DCHS2: variants seen among roughly 807,000 people sequenced by gnomAD.
DCHS2 encodes the protein dachsous cadherin-related 2.
DCHS2 carries 142 observed loss-of-function variants against 182.4 expected under a neutral mutation model. The ratio of observed to expected loss-of-function variants is 0.78; its 90% confidence interval spans 0.68 to 0.89. The LOEUF (loss-of-function observed/expected upper bound fraction) is 0.89. DCHS2 is among the 40% of genes least tolerant of loss of function. The pLI, the probability that DCHS2 is intolerant of heterozygous loss-of-function variation, is 0.00. For missense variants in DCHS2, 4,319 were observed against 4,198.6 expected, an observed-to-expected ratio of 1.03 and a Z score of -0.79; for synonymous variants, 1,740 against 1,663.3, an observed-to-expected ratio of 1.05 and a Z score of -1.12.
chr4:154,441,554 GT>G (rs1287352382), intron 1 of DCHS2, among the ~76,000 whole-genome samples: 2 of 127,076 alleles, frequency 1.6e-5, no homozygotes, highest in African/African-American at 5.5e-5. Flanking sequence ...ATAAATAAAA[GT>G]TTTTCAGAAA....
chr4:154,270,163 C>A (rs959340743), intron 13 of DCHS2, 150 bp from the exon 14 acceptor site: 2 of 1,021,308 alleles, frequency 2.0e-6, no homozygotes, highest in Non-Finnish European at 1.4e-6. Flanking sequence ...TGAGCCAGAT[C>A]CCATGCTAGG....
chr4:154,288,876 A>G (rs1734527709), intron 13 of DCHS2, among the ~76,000 whole-genome samples: 1 of 152,130 alleles, frequency 6.6e-6, no homozygotes, highest in Non-Finnish European at 1.5e-5. Context: ...TCTTGAAACA[A>G]ACGATAATGG....
intron 1 of DCHS2, among the ~76,000 whole-genome samples, chr4:154,427,061 G>T (rs1733360327): frequency 6.6e-6 from 1 of 152,166 alleles, no homozygotes; most frequent in Non-Finnish European, 1.5e-5. Flanking sequence ...TGTTTGAGGT[G>T]ATGGATAGGC....
At chr4:154,269,433 G>T (rs1406697143) in intron 14 of DCHS2, 1 of 156,670 alleles carries the variant, frequency 6.4e-6, no homozygotes, top group African/African-American at 2.4e-5. Context: ...TACATGCTGT[G>T]TTTGGAAGTA....
intron 1 of DCHS2, among the ~76,000 whole-genome samples, chr4:154,434,999 A>G (rs1733715520): frequency 1.3e-5 from 2 of 152,152 alleles, no homozygotes; most frequent in Non-Finnish European, 2.9e-5. Context: ...GGGATCTCGC[A>G]ATGGAGAAAG....
At chr4:154,278,109 T>C (rs1733949254) in intron 13 of DCHS2, among the ~76,000 whole-genome samples, 1 of 149,160 alleles carries the variant, frequency 6.7e-6, no homozygotes, top group Non-Finnish European at 1.5e-5. Context: ...ACACAGACAA[T>C]CAAATGAAAT....
chr4:154,487,279 A>G (rs1728621559), intron 1 of DCHS2, among the ~76,000 whole-genome samples: 1 of 152,180 alleles, frequency 6.6e-6, no homozygotes, highest in African/African-American at 2.4e-5. Flanking sequence ...GGGCTCCTCT[A>G]CATTTCTCAG....
rs1731258505 is a variant in DCHS2 at position 154,232,889 on chromosome 4, A to G, written c.*1647T>C. On this transcript the variant is annotated 3_prime_UTR_variant, in exon 20 of 20. Coordinates refer to ENST00000357232, the MANE Select transcript of DCHS2 (RefSeq NM_001358235.2). ...TTCAAAAACCTTCATGTTTCATACA[A>G]TTTGTAATATAGCTTTATACATTTG... 6.6e-6 allele frequency: 1 copy of G among 152,156 alleles called. No individual in the cohort carries two copies. The highest frequency in any genetic ancestry group is 2.1e-4 in the South Asian group (1 of 4,830). 9.4% of individuals were successfully genotyped at this position (152,156 alleles called of 1,614,324 possible).
At position 154,366,288 on chromosome 4, in the gene DCHS2, A is replaced by C; in HGVS notation, c.2398T>G (p.Ser800Ala). 6.2e-7 allele frequency: 1 copy of C among 1,613,806 alleles called. No homozygotes were observed. The highest frequency in any genetic ancestry group is 1.1e-5 in the South Asian group (1 of 91,034). ...IINVLATDQD[S>A]GIYGTVAYEL... ...TAAGCCACTGTCCCATATATCCCAG[A>C]GTCCTGGTCAGTGGCAAGAACATTG... The change falls in exon 3 of 20, where the codon TCT (serine) becomes GCT (alanine). Residue 800 changes from serine (S) to alanine (A), a missense_variant. Ser to Ala is a moderately conservative substitution (Grantham distance 99). Coordinates refer to ENST00000357232, the MANE Select transcript of DCHS2 (RefSeq NM_001358235.2).
intron 3 of DCHS2, among the ~76,000 whole-genome samples, chr4:154,354,499 C>T (rs529975275): frequency 6.6e-6 from 1 of 152,286 alleles, no homozygotes; most frequent in East Asian, 1.9e-4. Flanking sequence ...GTAAAATATC[C>T]TTAAGTTCCT....
At chr4:154,274,275 GA>G (rs1364377526) in intron 13 of DCHS2, among the ~76,000 whole-genome samples, 1 of 152,034 alleles carries the variant, frequency 6.6e-6, no homozygotes, top group Non-Finnish European at 1.5e-5. Flanking sequence ...AATTTATGGG[GA>G]AAAACCCCAC....
At chr4:154,395,743 G>A (rs1238113444) in intron 1 of DCHS2, among the ~76,000 whole-genome samples, 1 of 152,160 alleles carries the variant, frequency 6.6e-6, no homozygotes, top group African/African-American at 2.4e-5. Flanking sequence ...ACTCAAGGGT[G>A]GGTTTCTTGG....
chr4:154,276,728 C>T (rs1219472123), intron 13 of DCHS2, among the ~76,000 whole-genome samples: 1 of 152,176 alleles, frequency 6.6e-6, no homozygotes, highest in Non-Finnish European at 1.5e-5. Context: ...GACCTTGCTG[C>T]ACAAAGGCAC....
At chr4:154,373,736 G>T in intron 2 of DCHS2, 3 of 529,504 alleles carry the variant, frequency 5.7e-6, no homozygotes, top group Non-Finnish European at 9.9e-6. Flanking sequence ...ACAGCTCCCT[G>T]TCTGGATCTC....
At position 154,333,466 on chromosome 4, in the gene DCHS2, A is replaced by C; in HGVS notation, c.2742T>G (p.Ile914Met). 6.2e-7 allele frequency: 1 copy of C among 1,613,462 alleles called. No homozygotes were observed. The highest frequency in any genetic ancestry group is 8.5e-7 in the Non-Finnish European group (1 of 1,179,604). ...LNSSEPIFYR[I>M]SSGDLGGKFS... is the part of the protein sequence containing the mutation. ...ACTTTCCGCCGAGATCACCAGAAGA[A>C]ATCCTGTAAAAGATTGGTTCTGAGG... Residue 914 changes from isoleucine (I) to methionine (M), a missense_variant, in exon 5 of 20, where the codon ATT becomes ATG. Coordinates refer to ENST00000357232, the MANE Select transcript of DCHS2 (RefSeq NM_001358235.2).
At chr4:154,256,340 G>C (rs1732664359) in intron 15 of DCHS2, among the ~76,000 whole-genome samples, 1 of 152,014 alleles carries the variant, frequency 6.6e-6, no homozygotes, top group African/African-American at 2.4e-5. Context: ...TTCCCATTTT[G>C]CCCAGGCTGG....
intron 7 of DCHS2, 156 bp from the exon 8 acceptor site, chr4:154,322,644 A>T (rs1736111117): frequency 9.3e-7 from 1 of 1,070,652 alleles, no homozygotes; most frequent in East Asian, 2.8e-5. Flanking sequence ...GACAAGAAAC[A>T]TCACTTTTTA....
chr4:154,328,882 T>C (rs1736398582), intron 6 of DCHS2, among the ~76,000 whole-genome samples: 1 of 152,226 alleles, frequency 6.6e-6, no homozygotes, highest in Non-Finnish European at 1.5e-5. Context: ...AATTCAATTG[T>C]TCTGGAACAG....
chr4:154,471,474 G>A (rs1735465569), intron 1 of DCHS2, among the ~76,000 whole-genome samples: 2 of 152,088 alleles, frequency 1.3e-5, no homozygotes, highest in Non-Finnish European at 2.9e-5. Flanking sequence ...GCTATAACAA[G>A]AGTTATGTCT....
Sources: allele counts gnomAD v4.1 joint callset (sites outside exome capture counted in the v4.1 genomes callset), GRCh38; gene constraint gnomAD v4.1.1; transcripts MANE v1.5; gene names NCBI Gene and HGNC (gene_info 2026-07-23, HGNC 2026-07-21).